TCHP: variants seen among roughly 807,000 people sequenced by gnomAD.
The protein encoded by TCHP is trichoplein keratin filament binding, also known as trichoplein keratin filament-binding protein.
A neutral mutation model predicts 88.7 loss-of-function variants in TCHP; 81 were observed. The ratio of observed to expected loss-of-function variants is 0.91; its 90% CI spans 0.76 to 1.10. The LOEUF is 1.10. Ranked by LOEUF, TCHP falls within the 50% of genes least tolerant of loss-of-function variation. The pLI is 0.00. For missense variants in TCHP, 641 were observed against 632.1 expected (o/e 1.01, Z -0.15); for synonymous variants, 232 against 232.5 (o/e 1.00, Z 0.02).
the TCHP span, among the ~76,000 whole-genome samples, chr12:109,890,928 G>A: frequency 2.0e-5 from 3 of 152,222 alleles, no homozygotes. Context: ...CAGACTGGTG[G>A]TGTTAATGGC....
At chr12:109,915,305 C>T in intron 11 of TCHP, 98 bp from the exon 12 acceptor site, 1 of 1,558,312 alleles carries the variant, frequency 6.4e-7, no homozygotes, top group Non-Finnish European at 8.8e-7. Context: ...CTGGATTCTC[C>T]AGTCTGGGTA....
chr12:109,886,428 A>G, the TCHP span, among the ~76,000 whole-genome samples: 1 of 152,036 alleles, frequency 6.6e-6, no homozygotes, highest in African/African-American at 2.4e-5. Context: ...GTAAGCCACC[A>G]TGCCCGGCCT....
At chr12:109,882,516 C>CG in the TCHP span, among the ~76,000 whole-genome samples, 2 of 149,402 alleles carry the variant, frequency 1.3e-5, no homozygotes, top group Non-Finnish European at 1.5e-5. Context: ...TGCAAGGAAT[C>CG]GGGGGGCCAG....
rs1870564000 is a variant in TCHP at position 109,912,502 on chromosome 12, C to T, written c.1053-489C>T. The stretch of plus-strand genomic sequence containing the variant: ...ATTAAAAGGGTAACTTAAAATACTT[C>T]CAACAGGGCCAGGCACGGTGGCTCA... On this transcript the variant is annotated intron_variant, in intron 9 of 12. Coordinates refer to ENST00000405876, the MANE Select transcript of TCHP (RefSeq NM_001143852.2). Among the ~76,000 whole-genome samples the T allele has an allele frequency of 2.0e-5, 3 of 152,122 alleles. No homozygotes were observed. In the South Asian group the frequency reaches 6.2e-4, roughly 32 times the overall value.
In TCHP at chr12:109,906,806, A is replaced by G. The variant is rs563955996; in HGVS notation, c.525+166A>G. Among the ~76,000 whole-genome samples the G allele has an allele frequency of 9.8e-5, 15 of 152,320 alleles. No individual in the cohort carries two copies. The South Asian group carries it at 3.1e-3, about 32-fold the overall frequency. ...GTGAAAACTGAATGTTTGCTCTTACATATACCAGAATCCTATGTGATAATT... is the reference window on the plus strand; with the variant it reads ...GTGAAAACTGAATGTTTGCTCTTACGTATACCAGAATCCTATGTGATAATT... On this transcript the variant is annotated intron_variant, in intron 5 of 12. Coordinates refer to ENST00000405876, the MANE Select transcript of TCHP (RefSeq NM_001143852.2).
intron 8 of TCHP, 108 bp downstream of exon 8, chr12:109,909,045 G>A (rs947850612): frequency 7.4e-6 from 8 of 1,080,390 alleles, no homozygotes; most frequent in African/African-American, 4.7e-5. Context: ...ACAGTGAGGG[G>A]TTGGGGGAAA....
the TCHP span, among the ~76,000 whole-genome samples, chr12:109,884,688 C>T: frequency 6.6e-6 from 1 of 152,192 alleles, no homozygotes; most frequent in Non-Finnish European, 1.5e-5. Flanking sequence ...ATGTCAGCCA[C>T]ACAAAGCATT....
rs745441501 is a variant in TCHP, at chr12:109,904,149, T to G, written c.399+2T>G. 1.3e-6 allele frequency: 2 copies of G among 1,563,392 alleles called. No individual in the cohort carries two copies. Among genetic ancestry groups the G allele is most frequent in the Admixed American group, 1.9e-5 (1 of 52,430 alleles). ...GCCAAAGAAGAGCAGAGGAAACTGG[T>G]AACTCCCCAGAGGGCTTCAGGAGGC... On this transcript the variant is annotated splice_donor_variant, in intron 3 of 12. Coordinates refer to ENST00000405876, the MANE Select transcript of TCHP (RefSeq NM_001143852.2). LOFTEE classifies it high-confidence loss of function.
At chr12:109,915,309 C>T in intron 11 of TCHP, 94 bp from the exon 12 acceptor site, 2 of 1,572,508 alleles carry the variant, frequency 1.3e-6, no homozygotes, top group East Asian at 2.2e-5. Context: ...ATTCTCCAGT[C>T]TGGGTAGGGC....
intron 9 of TCHP, among the ~76,000 whole-genome samples, chr12:109,912,591 G>C (rs1870567565): frequency 6.6e-6 from 1 of 152,148 alleles, no homozygotes. Context: ...AGGAGTTCAA[G>C]ACCAGCCTGA....
intron 6 of TCHP, 152 bp from the exon 7 acceptor site, chr12:109,908,434 G>T: frequency 1.5e-6 from 1 of 645,984 alleles, no homozygotes; most frequent in Non-Finnish European, 2.7e-6. Flanking sequence ...GGGATTGGAT[G>T]AGTAAGTGAG....
In TCHP at chr12:109,909,253, G is replaced by C. The variant is rs183607493; in HGVS notation, c.879+316G>C. On this transcript the variant is annotated intron_variant, in intron 8 of 12. Transcript: ENST00000405876. ...GCTTGACCGTAAGGATCCTTTCCCAGTGTCTGTGTGTATACATAGATGGAT... is the reference window on the plus strand; with the variant it reads ...GCTTGACCGTAAGGATCCTTTCCCACTGTCTGTGTGTATACATAGATGGAT... 9.2e-5 allele frequency among the ~76,000 whole-genome samples: 14 copies of C among 152,346 alleles called. No homozygotes were observed. The East Asian group carries it at 2.7e-3, about 29-fold the overall frequency.
At chr12:109,916,482 G>T in intron 12 of TCHP, 109 bp from the exon 13 acceptor site, 1 of 1,193,978 alleles carries the variant, frequency 8.4e-7, no homozygotes. Flanking sequence ...AGCTGGAAAT[G>T]AAACAGCCAT....
chr12:109,893,499 A>G, the TCHP span, among the ~76,000 whole-genome samples: 1 of 152,078 alleles, frequency 6.6e-6, no homozygotes, highest in Non-Finnish European at 1.5e-5. Context: ...TTGGATGTTT[A>G]TCATGTGTCT....
intron 8 of TCHP, among the ~76,000 whole-genome samples, chr12:109,909,937 C>G (rs931929109): frequency 1.4e-4 from 22 of 152,116 alleles, no homozygotes; most frequent in African/African-American, 4.3e-4. Context: ...TGCACTCAAG[C>G]CTGGGGGACA....
chr12:109,886,241 G>A, the TCHP span, among the ~76,000 whole-genome samples: 1 of 151,796 alleles, frequency 6.6e-6, no homozygotes, highest in African/African-American at 2.4e-5. Flanking sequence ...AGGTTCAATC[G>A]ATTCTTCTGC....
chr12:109,881,841 T>C, the TCHP span, among the ~76,000 whole-genome samples: 1 of 152,186 alleles, frequency 6.6e-6, no homozygotes, highest in Non-Finnish European at 1.5e-5. Flanking sequence ...GCCCAGCTTA[T>C]GCAAAAATCT....
chr12:109,890,108 G>A, the TCHP span, among the ~76,000 whole-genome samples: 2 of 152,122 alleles, frequency 1.3e-5, no homozygotes, highest in African/African-American at 4.8e-5. Flanking sequence ...ATGCCACCTT[G>A]TCCTCCATCT....
chr12:109,913,035 C>T lies in TCHP; in HGVS notation c.1097C>T (p.Ala366Val). ...TGGGAAAAGAGAGAGGCAGAGTGGG[C>T]CCGAGAGCGCAGCGCACGGGACAGA... is the stretch of plus-strand genomic sequence containing the variant. ...EMWEKREAEWARERSARDRLM... is the reference protein window; with the variant it reads ...EMWEKREAEWVRERSARDRLM... The change falls in exon 10 of 13, where the codon GCC becomes GTC. Residue 366 changes from alanine (A) to valine (V), a missense_variant. Coordinates refer to ENST00000405876, the MANE Select transcript of TCHP (RefSeq NM_001143852.2). 6.2e-7 allele frequency: 1 copy of T among 1,613,890 alleles called. No individual in the cohort carries two copies. Among genetic ancestry groups the T allele is most frequent in the Non-Finnish European group, 8.5e-7 (1 of 1,180,008 alleles).
Sources: allele counts gnomAD v4.1 joint callset (sites outside exome capture counted in the v4.1 genomes callset), GRCh38; gene constraint gnomAD v4.1.1; transcripts MANE v1.5; gene names NCBI Gene and HGNC (gene_info 2026-07-23, HGNC 2026-07-21).